The following KAZN variants were observed in gnomAD, a reference collection of about 807,000 sequenced individuals.
KAZN encodes the protein kazrin, periplakin interacting protein, also known as kazrin.
KAZN carries 40 observed loss-of-function variants against 87.4 expected under a neutral mutation model. The ratio of observed to expected loss-of-function variants is 0.46; its 90% CI spans 0.36 to 0.60. The LOEUF is 0.60. Ranked by LOEUF, KAZN falls within the 20% of genes least tolerant of loss-of-function variation. KAZN has a pLI of 0.00. For synonymous variants in KAZN, 466 were observed against 458.3 expected (o/e 1.02, Z -0.22); for missense variants, 898 against 1,073.9 (o/e 0.84, Z 2.29).
At chr1:14,281,571 G>T (rs1450102560) in intron 2 of KAZN, among the ~76,000 whole-genome samples, 1 of 152,132 alleles carries the variant, frequency 6.6e-6, no homozygotes, top group Non-Finnish European at 1.5e-5. Context: ...GAAGCAACTT[G>T]CCTAGAAACA....
At chr1:13,996,154 G>A (rs2101125474) in intron 1 of KAZN, among the ~76,000 whole-genome samples, 1 of 152,302 alleles carries the variant, frequency 6.6e-6, no homozygotes, top group African/African-American at 2.4e-5. Flanking sequence ...CAGTGAGTGA[G>A]CGTGCTACCC....
At chr1:14,815,084 C>T (rs982157416) in intron 1 of KAZN, among the ~76,000 whole-genome samples, 9 of 152,290 alleles carry the variant, frequency 5.9e-5, no homozygotes, top group African/African-American at 1.2e-4. Context: ...TCCTCTCTCA[C>T]GCATTTACCA....
intron 1 of KAZN, among the ~76,000 whole-genome samples, chr1:14,051,415 A>T (rs1642323043): frequency 6.6e-6 from 1 of 152,066 alleles, no homozygotes; most frequent in Admixed American, 6.5e-5. Flanking sequence ...TTTATTTTTA[A>T]TTCTTGTTCA....
At chr1:14,147,154 G>A (rs1368565854) in intron 1 of KAZN, among the ~76,000 whole-genome samples, 3 of 152,078 alleles carry the variant, frequency 2.0e-5, no homozygotes, top group Admixed American at 2.0e-4. Context: ...CAAAATATGT[G>A]TTAATAGATA....
intron 1 of KAZN, among the ~76,000 whole-genome samples, chr1:14,077,862 G>A (rs1643521217): frequency 6.6e-6 from 1 of 152,112 alleles, no homozygotes; most frequent in Admixed American, 6.5e-5. Flanking sequence ...ATGGAGGCAG[G>A]GATTGGAGTG....
At chr1:15,076,575 G>A (rs932827998) in intron 8 of KAZN, among the ~76,000 whole-genome samples, 18 of 152,222 alleles carry the variant, frequency 1.2e-4, no homozygotes, top group African/African-American at 1.9e-4. Flanking sequence ...AGAGGCCCAC[G>A]TGACAGAAAA....
chr1:14,708,467 G>A (rs550810250), intron 1 of KAZN, among the ~76,000 whole-genome samples: 3 of 152,206 alleles, frequency 2.0e-5, no homozygotes, highest in South Asian at 2.1e-4. Flanking sequence ...AGATACGGGG[G>A]CAATATTAGG....
intron 2 of KAZN, among the ~76,000 whole-genome samples, chr1:14,228,244 A>G (rs76650245): frequency 0.013 from 2,043 of 152,294 alleles, 39 homozygotes; most frequent in African/African-American, 0.047. Context: ...CCACTTTGCC[A>G]GGGGCTCTAT....
intron 1 of KAZN, among the ~76,000 whole-genome samples, chr1:14,931,808 G>A (rs982367196): frequency 4.6e-5 from 7 of 152,154 alleles, no homozygotes; most frequent in East Asian, 1.9e-4. Flanking sequence ...TCACAGGCAC[G>A]ATCAGGGCAC....
rs6143132 is a variant in KAZN, at chr1:13,951,623, GATAATAATAATA to G, written c.91+57904_91+57915del. ...CTTAGAATCTTAGCTCTAAAATGGA[GATAATAATAATA>G]ATAATAATAATAATAATAATAATAA... On this transcript the variant is annotated intron_variant, in intron 1 of 16. Transcript: ENST00000636203. Among the ~76,000 whole-genome samples, 1,171 of 148,482 alleles carry G rather than the reference GATAATAATAATA, an allele frequency of 7.9e-3. 17 individuals are homozygous for G. Among genetic ancestry groups the G allele is most frequent in the African/African-American group, 0.025 (1,016 of 39,956 alleles).
upstream of KAZN, among the ~76,000 whole-genome samples, chr1:14,595,292 C>A (rs1237134751): frequency 6.6e-6 from 1 of 152,150 alleles, no homozygotes; most frequent in Non-Finnish European, 1.5e-5. Context: ...TTGTGGAAAA[C>A]ATATTAGCTG....
intron 1 of KAZN, among the ~76,000 whole-genome samples, chr1:14,008,689 G>A (rs1048688071): frequency 1.2e-4 from 19 of 152,116 alleles, no homozygotes; most frequent in African/African-American, 4.1e-4. Flanking sequence ...TGGAGGATGA[G>A]GATGAAAATG....
intron 1 of KAZN, among the ~76,000 whole-genome samples, chr1:14,784,123 C>T (rs1301015379): frequency 1.3e-5 from 2 of 152,296 alleles, no homozygotes; most frequent in East Asian, 1.9e-4. Context: ...AATTCTTGGT[C>T]AGGCAGGGGT....
intron 2 of KAZN, among the ~76,000 whole-genome samples, chr1:14,569,393 G>A (rs1046807395): frequency 1.4e-5 from 2 of 144,774 alleles, no homozygotes; most frequent in Non-Finnish European, 3.0e-5. Flanking sequence ...CGAGATCTCG[G>A]CTCACTGCAA....
intron 1 of KAZN, among the ~76,000 whole-genome samples, chr1:14,727,516 G>A (rs1267035886): frequency 1.3e-4 from 13 of 100,204 alleles, no homozygotes; most frequent in Admixed American, 4.4e-4. Flanking sequence ...TTTTGCTCTT[G>A]TTGTCCAGGC....
chr1:14,092,700 C>T lies in KAZN; in HGVS notation c.92-87735C>T, dbSNP rs181798096. Among the ~76,000 whole-genome samples, 26 of 152,130 alleles carry T rather than the reference C, an allele frequency of 1.7e-4. 1 individual carries two copies. The East Asian group carries it at 4.7e-3, about 27-fold the overall frequency. On this transcript the variant is annotated intron_variant, in intron 1 of 16. Transcript: ENST00000636203. ...AAAAAGGAATTTCAGACACTATAAC[C>T]ATCTATTTGTGCAGAAAACGTACCT...
chr1:14,497,536 TAG>T (rs1670014449), intron 2 of KAZN, among the ~76,000 whole-genome samples: 1 of 152,036 alleles, frequency 6.6e-6, no homozygotes, highest in African/African-American at 2.4e-5. Context: ...TCAGGATGAA[TAG>T]AGTCACCAGA....
At chr1:14,500,047 A>C (rs1670156558) in intron 2 of KAZN, among the ~76,000 whole-genome samples, 1 of 152,252 alleles carries the variant, frequency 6.6e-6, no homozygotes. Flanking sequence ...ATTAAGTTGC[A>C]TTATATGTCT....
intron 1 of KAZN, among the ~76,000 whole-genome samples, chr1:14,950,439 A>C (rs909134664): frequency 6.6e-6 from 1 of 152,084 alleles, no homozygotes; most frequent in Admixed American, 6.5e-5. Context: ...GCTGGGCCTG[A>C]GAGGGTCAGC....
Sources: allele counts gnomAD v4.1 joint callset (sites outside exome capture counted in the v4.1 genomes callset), GRCh38; gene constraint gnomAD v4.1.1; transcripts MANE v1.5; gene names NCBI Gene and HGNC (gene_info 2026-07-23, HGNC 2026-07-21).